Variants in SRP54 observed in about 807,000 individuals in gnomAD.
SRP54 encodes the protein signal recognition particle 54.
Under a neutral mutation model 64.8 loss-of-function variants are expected in SRP54, and 10 were observed. That is an observed-to-expected ratio of 0.15 (90% CI 0.10 to 0.26). The LOEUF (loss-of-function observed/expected upper bound fraction) is 0.26, where lower values mean the gene tolerates loss of function less well. Among genes scored for constraint, SRP54 ranks in the 10% least tolerant of loss-of-function variants. The pLI is 1.00. For synonymous variants in SRP54, 193 were observed against 185.6 expected (o/e 1.04, Z -0.32); for missense variants, 325 against 613.7 (o/e 0.53, Z 4.97).
chr14:35,008,866 C>A (rs2138999432), intron 7 of SRP54, 35 bp downstream of exon 7: 1 of 1,431,380 alleles, frequency 7.0e-7, no homozygotes, highest in Non-Finnish European at 9.5e-7. Context: ...CACTTATATC[C>A]CTCTTCTTGT....
chr14:35,013,947 A>T lies in SRP54; in HGVS notation c.886+45A>T, dbSNP rs760847332. The T allele has an allele frequency of 1.1e-5, 14 of 1,327,040 alleles. No homozygotes were observed. In the Admixed American group the frequency reaches 2.4e-4, roughly 23 times the overall value. The allele number at this position is 1,327,040 out of a possible 1,614,324, so 82.2% of individuals were successfully genotyped here. On this transcript the variant is annotated intron_variant, in intron 10 of 15. Coordinates refer to ENST00000216774, the MANE Select transcript of SRP54 (RefSeq NM_003136.4). ...TATAGAAAAATCTCCAAGAAATACG[A>T]TGTATCTTTAGGACAAAATAGGATT...
At chr14:35,027,965 T>A (rs1026484757) in intron 14 of SRP54, 123 bp from the exon 15 acceptor site, 1 of 502,438 alleles carries the variant, frequency 2.0e-6, no homozygotes. Context: ...TATGTTAGAG[T>A]GATAGGATTA....
chr14:35,021,229 A>T (rs1167363294), intron 13 of SRP54, among the ~76,000 whole-genome samples: 1 of 152,204 alleles, frequency 6.6e-6, no homozygotes, highest in East Asian at 1.9e-4. Flanking sequence ...AAATTAAAAG[A>T]TGTAGGAAAT....
intron 4 of SRP54, among the ~76,000 whole-genome samples, chr14:35,001,812 C>G (rs545130919): frequency 6.6e-6 from 1 of 152,100 alleles, no homozygotes; most frequent in African/African-American, 2.4e-5. Flanking sequence ...CCTGCCTCAC[C>G]TTATTGCTGA....
intron 14 of SRP54, among the ~76,000 whole-genome samples, chr14:35,026,889 G>T (rs2044636157): frequency 1.3e-5 from 2 of 152,234 alleles, no homozygotes; most frequent in South Asian, 2.1e-4. Flanking sequence ...GTTGCAGTGG[G>T]CTGAGTTCGT....
intron 9 of SRP54, 73 bp downstream of exon 9, chr14:35,013,567 A>G: frequency 6.8e-7 from 1 of 1,475,690 alleles, no homozygotes; most frequent in Non-Finnish European, 9.2e-7. Context: ...TAGCTTTCAT[A>G]TTGATCATTT....
At chr14:35,026,599 A>G (rs949601272) in intron 14 of SRP54, among the ~76,000 whole-genome samples, 2 of 152,110 alleles carry the variant, frequency 1.3e-5, no homozygotes, top group Non-Finnish European at 2.9e-5. Flanking sequence ...ATTCCTTGAC[A>G]AGTGAAGTTG....
At chr14:34,999,350 A>G (rs1003948853) in intron 2 of SRP54, among the ~76,000 whole-genome samples, 2 of 152,138 alleles carry the variant, frequency 1.3e-5, no homozygotes, top group Non-Finnish European at 2.9e-5. Flanking sequence ...AATTGTGGCA[A>G]TTAATACTTG....
chr14:35,014,843 C>T lies in SRP54; in HGVS notation c.973+13C>T. On this transcript the variant is annotated intron_variant, in intron 11 of 15. Transcript: ENST00000216774. ...AAGTTGAAACATGGTATATGAGTGA[C>T]AAAAAAGCACTTCATCTCAGATTTC... The T allele has an allele frequency of 1.3e-6, 2 of 1,568,424 alleles. No homozygotes were observed. The highest frequency in any genetic ancestry group is 1.4e-5 in the African/African-American group (1 of 72,912).
chr14:35,012,217 CA>C (rs60971433), intron 8 of SRP54, among the ~76,000 whole-genome samples: 70,351 of 107,318 alleles, frequency 0.66, 20,710 homozygotes, highest in East Asian at 0.75. Context: ...ACTCCATCTC[CA>C]AAAAAAAAAA....
intron 14 of SRP54, among the ~76,000 whole-genome samples, chr14:35,025,036 A>G (rs1446712829): frequency 2.0e-5 from 3 of 151,988 alleles, no homozygotes; most frequent in Non-Finnish European, 4.4e-5. Context: ...CCTGGCTTCT[A>G]CTTGTTTTTG....
chr14:34,985,789 A>T (rs980058890), intron 1 of SRP54, among the ~76,000 whole-genome samples: 2 of 152,232 alleles, frequency 1.3e-5, no homozygotes, highest in Non-Finnish European at 2.9e-5. Context: ...AAGAATTTAG[A>T]TGAAGCTACT....
intron 1 of SRP54, among the ~76,000 whole-genome samples, chr14:34,988,578 A>AAATATATATATAT (rs1384552218): frequency 4.2e-5 from 2 of 47,102 alleles, no homozygotes; most frequent in African/African-American, 1.3e-4. Flanking sequence ...AAAAAAAAAA[A>AAATATATATATAT]ATATATATAT....
intron 10 of SRP54, among the ~76,000 whole-genome samples, chr14:35,014,262 T>A (rs1467481254): frequency 6.6e-6 from 1 of 151,010 alleles, no homozygotes; most frequent in Non-Finnish European, 1.5e-5. Context: ...GCCACTTGTT[T>A]GTTGCCACTT....
intron 13 of SRP54, 107 bp downstream of exon 13, chr14:35,019,181 G>C: frequency 1.3e-6 from 1 of 746,664 alleles, no homozygotes; most frequent in South Asian, 1.7e-5. Context: ...TAGCCTGAAA[G>C]ATTATTTTTA....
chr14:34,999,014 G>T (rs1053969902), intron 2 of SRP54, among the ~76,000 whole-genome samples: 3,572 of 36,524 alleles, frequency 0.098, 236 homozygotes, highest in South Asian at 0.19. Flanking sequence ...TGTGTGTGTG[G>T]TTTTTTTTTT....
At chr14:35,013,719 G>A in intron 9 of SRP54, 83 bp from the exon 10 acceptor site, 2 of 1,270,530 alleles carry the variant, frequency 1.6e-6, no homozygotes, top group African/African-American at 1.5e-5. Flanking sequence ...TAGCTTTGGA[G>A]GCGGATTCAC....
chr14:35,025,401 A>G (rs983488176), intron 14 of SRP54, among the ~76,000 whole-genome samples: 3 of 152,210 alleles, frequency 2.0e-5, no homozygotes, highest in African/African-American at 7.2e-5. Flanking sequence ...AAAAAATTAG[A>G]CAAACATGTT....
intron 1 of SRP54, among the ~76,000 whole-genome samples, chr14:34,985,551 G>GT (rs1294520263): frequency 4.6e-5 from 7 of 152,182 alleles, no homozygotes; most frequent in African/African-American, 1.7e-4. Context: ...GCCTTATGGA[G>GT]TATGGGTAGT....
Sources: gnomAD v4.1 joint callset for allele counts (sites outside exome capture counted in the v4.1 genomes callset) on GRCh38, gnomAD v4.1.1 for gene constraint, MANE v1.5 for transcripts, NCBI Gene and HGNC (gene_info 2026-07-23, HGNC 2026-07-21) for gene names.